PTCHD4: variants seen among roughly 807,000 people sequenced by gnomAD.
The protein encoded by PTCHD4 is patched domain-containing protein 4.
A neutral mutation model predicts 58.1 loss-of-function variants in PTCHD4; 33 were observed. The ratio of observed to expected loss-of-function variants is 0.57; its 90% CI spans 0.43 to 0.76. The LOEUF (loss-of-function observed/expected upper bound fraction) is 0.76. Among genes scored for constraint, PTCHD4 ranks in the 30% least tolerant of loss-of-function variants. PTCHD4 has a pLI of 0.00. For synonymous variants in PTCHD4, 478 were observed against 409.6 expected (o/e 1.17, Z -2.02); for missense variants, 1,058 against 1,027.1 (o/e 1.03, Z -0.41).
intron 3 of PTCHD4, among the ~76,000 whole-genome samples, chr6:48,039,928 G>T (rs915888496): frequency 9.2e-5 from 14 of 152,042 alleles, no homozygotes; most frequent in African/African-American, 3.4e-4. Context: ...AGACTTTTGT[G>T]TACAGAAGAA....
intron 4 of PTCHD4, among the ~76,000 whole-genome samples, chr6:47,953,391 T>G (rs1392267407): frequency 6.6e-6 from 1 of 152,160 alleles, no homozygotes; most frequent in Admixed American, 6.5e-5. Flanking sequence ...TTAGATGAGA[T>G]TTTAATCAAG....
At chr6:47,996,047 A>G (rs758173171) in intron 4 of PTCHD4, among the ~76,000 whole-genome samples, 14 of 152,226 alleles carry the variant, frequency 9.2e-5, no homozygotes, top group Non-Finnish European at 1.9e-4. Flanking sequence ...TTCATGTCAC[A>G]GGGGTTTGTT....
chr6:47,987,415 A>G (rs1236475893), intron 4 of PTCHD4, among the ~76,000 whole-genome samples: 1 of 151,566 alleles, frequency 6.6e-6, no homozygotes, highest in Admixed American at 6.6e-5. Context: ...ATAAAAAAAA[A>G]GATTAAAAAA....
chr6:48,061,966 T>C (rs1764643475), intron 3 of PTCHD4, among the ~76,000 whole-genome samples: 1 of 151,902 alleles, frequency 6.6e-6, no homozygotes, highest in Non-Finnish European at 1.5e-5. Flanking sequence ...AGGTTGGAAT[T>C]TTCATATTTC....
intron 4 of PTCHD4, among the ~76,000 whole-genome samples, chr6:47,904,679 C>T (rs1351767401): frequency 2.6e-5 from 4 of 152,142 alleles, no homozygotes; most frequent in African/African-American, 9.7e-5. Context: ...GTGAATGGTA[C>T]AGTATGAAAA....
rs1762570427 is a variant in PTCHD4, at chr6:48,008,954, T to C, written c.578A>G (p.Asn193Ser). 2.5e-6 allele frequency: 4 copies of C among 1,613,998 alleles called. No individual in the cohort carries two copies. The highest frequency in any genetic ancestry group is 3.4e-6 in the Non-Finnish European group (4 of 1,179,886). Residue 193 changes from asparagine to serine, a missense_variant, in exon 4 of 5, where the codon AAT becomes AGT. Transcript: ENST00000339488. The part of the protein sequence containing the change: ...TQDLIGEKWE[N>S]EFCKLIRKLQ... ...CTTCCTTATAAGCTTACAGAACTCA[T>C]TCTCCCACTTCTCCCCTATGAGGTC...
chr6:48,026,103 ACTAT>A (rs1472017056), intron 3 of PTCHD4, among the ~76,000 whole-genome samples: 1 of 152,112 alleles, frequency 6.6e-6, no homozygotes, highest in African/African-American at 2.4e-5. Context: ...AATCTTTAAA[ACTAT>A]CTGATGAGAT....
intron 1 of PTCHD4, among the ~76,000 whole-genome samples, chr6:48,088,984 G>A (rs934880485): frequency 6.6e-6 from 1 of 152,228 alleles, no homozygotes; most frequent in South Asian, 2.1e-4. Context: ...GGCGGAGGTT[G>A]CATTGAGCCA....
At chr6:47,981,958 C>T (rs994810486) in intron 4 of PTCHD4, among the ~76,000 whole-genome samples, 11 of 118,036 alleles carry the variant, frequency 9.3e-5, no homozygotes, top group Non-Finnish European at 8.5e-5. Context: ...AGATAAGGCT[C>T]TCTTGGGACA....
intron 1 of PTCHD4, among the ~76,000 whole-genome samples, chr6:48,096,555 T>G (rs1237694222): frequency 1.3e-5 from 2 of 148,914 alleles, no homozygotes; most frequent in African/African-American, 5.0e-5. Context: ...GAAGTTGCAG[T>G]GAGCCGAGAT....
intron 1 of PTCHD4, among the ~76,000 whole-genome samples, chr6:48,076,625 G>C (rs1368396574): frequency 4.6e-5 from 7 of 152,208 alleles, no homozygotes; most frequent in Non-Finnish European, 8.8e-5. Flanking sequence ...CTCCATCAGA[G>C]CTGGTGGGTA....
At position 48,027,466 on chromosome 6, in the gene PTCHD4, T is replaced by C. The variant is rs144152400; in HGVS notation, c.418-18352A>G. The stretch of plus-strand genomic sequence containing the variant: ...TAAAAATAGGTAACAGGAAAATAGC[T>C]TGAGATGATGGGTAGCTTTGTGTAA... On this transcript the variant is annotated intron_variant, in intron 3 of 4. Transcript: ENST00000339488. Among the ~76,000 whole-genome samples, 755 of 152,232 alleles carry C rather than the reference T, an allele frequency of 5.0e-3. 12 individuals are homozygous for C. Among genetic ancestry groups the C allele is most frequent in the African/African-American group, 0.017 (706 of 41,568 alleles).
intron 3 of PTCHD4, among the ~76,000 whole-genome samples, chr6:48,046,893 G>T (rs1215569509): frequency 6.6e-6 from 1 of 151,736 alleles, no homozygotes; most frequent in Non-Finnish European, 1.5e-5. Context: ...AGTAGATCAG[G>T]TTATATTCCT....
rs569545159 is a variant in PTCHD4, at chr6:47,875,977, C to T, written c.*2326G>A. Among the ~76,000 whole-genome samples the T allele has an allele frequency of 6.6e-6, 1 of 151,626 alleles. No individual in the cohort carries two copies. Among genetic ancestry groups the T allele is most frequent in the Non-Finnish European group, 1.5e-5 (1 of 67,842 alleles). The stretch of plus-strand genomic sequence containing the variant: ...AATTAACTTTCTCAGTGATTATCTC[C>T]CATATTTTGATATGGGAGATAAAAA... On this transcript the variant is annotated 3_prime_UTR_variant, in exon 5 of 5. Coordinates refer to ENST00000339488, the MANE Select transcript of PTCHD4 (RefSeq NM_001384253.1).
In PTCHD4 at chr6:48,068,236, T is replaced by G. The variant is rs1421309587; in HGVS notation, c.411A>C (p.Glu137Asp). 6.4e-7 allele frequency: 1 copy of G among 1,567,350 alleles called. No homozygotes were observed. The highest frequency in any genetic ancestry group is 1.2e-5 in the South Asian group (1 of 84,942). Reference protein sequence around the residue: ...GILQTHRAVLEMKDGRNSFIG... With the variant: ...GILQTHRAVLDMKDGRNSFIG... ...TATAGCCCTTGTGGTTCACCTTCAT[T>G]TCCAGCACGGCTCGGTGGGTCTGCA... Residue 137 changes from glutamate to aspartate, a missense_variant, in exon 3 of 5, where the codon GAA (glutamate) becomes GAC (aspartate). Physicochemically the swap from Glu to Asp is conservative, Grantham distance 45. Transcript: ENST00000339488. The surrounding 1 kb of genome is among the most constrained non-coding windows in gnomAD (Gnocchi z 4.2).
chr6:47,909,266 C>A (rs1400188634), intron 4 of PTCHD4, among the ~76,000 whole-genome samples: 1 of 152,112 alleles, frequency 6.6e-6, no homozygotes, highest in East Asian at 1.9e-4. Context: ...CATGCCAGTT[C>A]TCCAATCTCT....
rs1299778160 is a variant in PTCHD4 at position 48,069,785 on chromosome 6, AG to A, written c.-829del. Among the ~76,000 whole-genome samples, 1 of 152,190 alleles carries A rather than the reference AG, an allele frequency of 6.6e-6. No homozygotes were observed. Among genetic ancestry groups the A allele is most frequent in the Non-Finnish European group, 1.5e-5 (1 of 68,036 alleles). ...AGATTAAAGGACAGAAAGTTCCTAAAGCTGATTTCAGTCCCCTTTTCCAGTG... is the reference window on the plus strand; with the variant it reads ...AGATTAAAGGACAGAAAGTTCCTAAACTGATTTCAGTCCCCTTTTCCAGTG... On this transcript the variant is annotated 5_prime_UTR_variant, in exon 2 of 5. An upstream open reading frame in the 5' UTR loses its in-frame stop. Transcript: ENST00000339488.
intron 4 of PTCHD4, among the ~76,000 whole-genome samples, chr6:47,916,427 G>C (rs1765245187): frequency 6.6e-6 from 1 of 152,032 alleles, no homozygotes; most frequent in African/African-American, 2.4e-5. Flanking sequence ...CAACTATTGA[G>C]GCTTCCAGCA....
At chr6:47,890,484 G>T (rs1764343346) in intron 4 of PTCHD4, among the ~76,000 whole-genome samples, 1 of 152,130 alleles carries the variant, frequency 6.6e-6, no homozygotes, top group Admixed American at 6.5e-5. Context: ...TTCCTCATCT[G>T]TAAAAAAGGG....
Sources: gnomAD v4.1 joint callset for allele counts (sites outside exome capture counted in the v4.1 genomes callset) on GRCh38, gnomAD v4.1.1 for gene constraint, Gnocchi (gnomAD v3.1) non-coding constraint, MANE v1.5 for transcripts, NCBI Gene and HGNC (gene_info 2026-07-23, HGNC 2026-07-21) for gene names.